Variants in HEPACAM2 observed in about 807,000 individuals in gnomAD.
HEPACAM2 encodes the protein HEPACAM family member 2, also known as mitotic kinetics regulator.
Under a neutral mutation model 49.6 loss-of-function variants are expected in HEPACAM2, and 49 were observed. The observed-to-expected ratio is 0.99, with a 90% confidence interval of 0.78 to 1.25. The LOEUF (loss-of-function observed/expected upper bound fraction) is 1.25, where lower values mean the gene tolerates loss of function less well. Ranked by LOEUF, HEPACAM2 falls within the 50% of genes most tolerant of loss-of-function variation. HEPACAM2 has a pLI of 0.00. For missense variants in HEPACAM2, 525 were observed against 557.2 expected (o/e 0.94, Z 0.58); for synonymous variants, 197 against 202.9 (o/e 0.97, Z 0.25).
At chr7:93,207,708 C>T (rs187993758) in intron 4 of HEPACAM2, among the ~76,000 whole-genome samples, 94 of 151,922 alleles carry the variant, frequency 6.2e-4, no homozygotes, top group Admixed American at 6.6e-4. Context: ...GCAATACAGA[C>T]AGAATAGCAA....
upstream of HEPACAM2, among the ~76,000 whole-genome samples, chr7:93,227,983 T>C (rs1181914811): frequency 6.6e-6 from 1 of 152,170 alleles, no homozygotes; most frequent in African/African-American, 2.4e-5. Flanking sequence ...ACAAATAAAT[T>C]TTAATATTGG....
intron 4 of HEPACAM2, 135 bp from the exon 5 acceptor site, chr7:93,197,745 G>C: frequency 1.7e-6 from 1 of 597,888 alleles, no homozygotes; most frequent in Non-Finnish European, 2.8e-6. Flanking sequence ...CACAGAGAGA[G>C]AGAGAGACCA....
intron 3 of HEPACAM2, among the ~76,000 whole-genome samples, chr7:93,212,055 G>A (rs1794190984): frequency 2.0e-5 from 3 of 151,976 alleles, no homozygotes; most frequent in Non-Finnish European, 4.4e-5. Flanking sequence ...TTAGGACCCT[G>A]CAGCATAATG....
chr7:93,197,117 A>G (rs554401798), intron 7 of HEPACAM2, 124 bp downstream of exon 7: 1 of 612,546 alleles, frequency 1.6e-6, no homozygotes, highest in South Asian at 6.6e-5. Context: ...ACTCAAAGGT[A>G]AGAGACTGTT....
chr7:93,226,501 T>C, upstream of HEPACAM2: 1 of 1,373,874 alleles, frequency 7.3e-7, no homozygotes, highest in Non-Finnish European at 1.0e-6. Flanking sequence ...CTGGTTTATT[T>C]GCTAGGGAAA....
chr7:93,200,224 A>T (rs562994924), intron 4 of HEPACAM2, among the ~76,000 whole-genome samples: 2 of 152,066 alleles, frequency 1.3e-5, no homozygotes, highest in South Asian at 4.1e-4. Flanking sequence ...TTTTTCGGTC[A>T]ATTTTTGCTA....
chr7:93,230,039 A>G (rs1036830945), upstream of HEPACAM2, among the ~76,000 whole-genome samples: 8 of 152,182 alleles, frequency 5.3e-5, no homozygotes, highest in African/African-American at 1.7e-4. Flanking sequence ...ATTTTTATCC[A>G]TTTCTCCAGT....
intron 4 of HEPACAM2, among the ~76,000 whole-genome samples, chr7:93,198,864 C>T (rs185532848): frequency 9.2e-5 from 14 of 152,184 alleles, no homozygotes; most frequent in African/African-American, 1.9e-4. Flanking sequence ...GGGAGGAAGC[C>T]TTAATCTTTT....
intron 1 of HEPACAM2, among the ~76,000 whole-genome samples, chr7:93,225,444 AT>A (rs1391592260): frequency 1.3e-5 from 2 of 152,126 alleles, no homozygotes; most frequent in African/African-American, 4.8e-5. Context: ...GAATAATAAC[AT>A]TTACAATGCA....
At chr7:93,218,872 A>T (rs1022258323) in intron 2 of HEPACAM2, among the ~76,000 whole-genome samples, 2 of 152,182 alleles carry the variant, frequency 1.3e-5, no homozygotes, top group Non-Finnish European at 2.9e-5. Flanking sequence ...TTAGTGCTTG[A>T]TTACCTATTG....
Position 93,208,891 on chromosome 7 carries a change from A to G in HEPACAM2, c.716-15T>C. On this transcript the variant is annotated splice_polypyrimidine_tract_variant and intron_variant, in intron 3 of 9. Coordinates refer to ENST00000394468, the MANE Select transcript of HEPACAM2 (RefSeq NM_001039372.4). ...ATAAGGTCCATCTGCATCAATATAA[A>G]AAAAAATAGATAAGTAACACAAGTA... 6.5e-7 allele frequency: 1 copy of G among 1,538,928 alleles called. No individual in the cohort carries two copies. Among genetic ancestry groups the G allele is most frequent in the Non-Finnish European group, 8.7e-7 (1 of 1,144,288 alleles).
upstream of HEPACAM2, among the ~76,000 whole-genome samples, chr7:93,227,095 G>A (rs148635164): frequency 3.4e-4 from 52 of 152,254 alleles, no homozygotes; most frequent in East Asian, 7.3e-3. Flanking sequence ...ACTGAGGCAT[G>A]GACCATGCAT....
chr7:93,197,217 A>T, intron 7 of HEPACAM2, 24 bp downstream of exon 7: 1 of 1,591,728 alleles, frequency 6.3e-7, no homozygotes, highest in East Asian at 2.2e-5. Context: ...AACTGATAAT[A>T]GCCCTTTTCA....
At chr7:93,223,842 A>G (rs1794494202) in intron 1 of HEPACAM2, among the ~76,000 whole-genome samples, 1 of 152,184 alleles carries the variant, frequency 6.6e-6, no homozygotes, top group South Asian at 2.1e-4. Context: ...ACATGAACCT[A>G]TCAATATGAT....
intron 1 of HEPACAM2, among the ~76,000 whole-genome samples, chr7:93,225,135 A>G (rs1272956414): frequency 6.6e-6 from 1 of 152,178 alleles, no homozygotes; most frequent in Non-Finnish European, 1.5e-5. Flanking sequence ...CGCCAGTTTC[A>G]AAAACAACAC....
the HEPACAM2 span, among the ~76,000 whole-genome samples, chr7:93,232,148 T>C: frequency 1.3e-5 from 2 of 152,188 alleles, no homozygotes. Context: ...GAGTAGCTAC[T>C]GCCTAGTGCA....
intron 9 of HEPACAM2, among the ~76,000 whole-genome samples, chr7:93,191,623 T>C (rs557761549): frequency 6.6e-6 from 1 of 152,266 alleles, no homozygotes; most frequent in Non-Finnish European, 1.5e-5. Context: ...GATTGTAGGC[T>C]TTATTTCTCC....
intron 1 of HEPACAM2, among the ~76,000 whole-genome samples, chr7:93,221,076 A>C (rs931999030): frequency 5.3e-5 from 8 of 152,240 alleles, no homozygotes; most frequent in African/African-American, 1.9e-4. Context: ...TGTGAAGAGG[A>C]CCAGAGAGAT....
intron 4 of HEPACAM2, among the ~76,000 whole-genome samples, chr7:93,198,251 A>G (rs1793787631): frequency 1.3e-5 from 2 of 152,150 alleles, no homozygotes; most frequent in African/African-American, 4.8e-5. Flanking sequence ...CTTTATTAAT[A>G]TCACTATATA....
Sources: allele counts gnomAD v4.1 joint callset (sites outside exome capture counted in the v4.1 genomes callset), GRCh38; gene constraint gnomAD v4.1.1; transcripts MANE v1.5; gene names NCBI Gene and HGNC (gene_info 2026-07-23, HGNC 2026-07-21).